SENP6: variants seen among roughly 807,000 people sequenced by gnomAD.
SENP6 encodes the protein sentrin-specific protease 6.
SENP6 carries 41 observed loss-of-function variants against 134.5 expected under a neutral mutation model. That is an observed-to-expected ratio of 0.30 (90% confidence interval 0.24 to 0.40). The LOEUF is 0.40. Ranked by LOEUF, SENP6 falls within the 10% of genes least tolerant of loss-of-function variation. SENP6 has a pLI of 1.00. For synonymous variants in SENP6, 395 were observed against 429.8 expected (o/e 0.92, Z 1.00); for missense variants, 1,248 against 1,312.5 (o/e 0.95, Z 0.76).
At chr6:75,684,468 CTTGT>C (rs1476022608) in intron 16 of SENP6, among the ~76,000 whole-genome samples, 1 of 152,166 alleles carries the variant, frequency 6.6e-6, no homozygotes, top group African/African-American at 2.4e-5. Flanking sequence ...GCATCCTTGT[CTTGT>C]GCTGGTTTTC....
At chr6:75,713,946 T>A (rs990235311) in intron 23 of SENP6, 121 bp downstream of exon 23, 6 of 791,872 alleles carry the variant, frequency 7.6e-6, no homozygotes, top group Admixed American at 3.3e-5. Flanking sequence ...GTTTCAAAAA[T>A]TATTCCATGG....
intron 1 of SENP6, among the ~76,000 whole-genome samples, chr6:75,608,056 TTAAG>T (rs1374820692): frequency 6.6e-6 from 1 of 152,224 alleles, no homozygotes; most frequent in Non-Finnish European, 1.5e-5. Flanking sequence ...TACTCCTTAC[TTAAG>T]TATGTTTATT....
At chr6:75,683,250 G>C (rs1773589330) in intron 16 of SENP6, among the ~76,000 whole-genome samples, 1 of 151,872 alleles carries the variant, frequency 6.6e-6, no homozygotes, top group African/African-American at 2.4e-5. Context: ...TTTTTTGATG[G>C]GGTTTTTTTT....
At chr6:75,638,605 TATATATATATATATATA>T (rs1349684008) in intron 5 of SENP6, among the ~76,000 whole-genome samples, 1 of 55,742 alleles carries the variant, frequency 1.8e-5, no homozygotes, top group East Asian at 3.9e-4. Context: ...TATATATATA[TATATATATATATATATA>T]TTTTTTTTTT....
At chr6:75,618,375 C>T (rs1012183767) in intron 1 of SENP6, among the ~76,000 whole-genome samples, 23 of 151,926 alleles carry the variant, frequency 1.5e-4, no homozygotes, top group African/African-American at 4.6e-4. Context: ...CAACTTTGGC[C>T]GTTGGGAATT....
At chr6:75,701,088 C>A (rs1417726256) in intron 18 of SENP6, among the ~76,000 whole-genome samples, 1 of 152,180 alleles carries the variant, frequency 6.6e-6, no homozygotes, top group Non-Finnish European at 1.5e-5. Context: ...TTAGTACTAA[C>A]TTGGGTACTC....
In SENP6 at chr6:75,716,849, G is replaced by T. The variant is rs552871787; in HGVS notation, c.*1255G>T. ...GAATAAAAAGAAAGCCTAATCATCAGCAATTATTTTATTTTTAATTTGGCC... is the reference window on the plus strand; with the variant it reads ...GAATAAAAAGAAAGCCTAATCATCATCAATTATTTTATTTTTAATTTGGCC... On this transcript the variant is annotated 3_prime_UTR_variant, in exon 24 of 24. Coordinates refer to ENST00000447266, the MANE Select transcript of SENP6 (RefSeq NM_015571.4). 8.6e-5 allele frequency: 13 copies of T among 151,944 alleles called. No homozygotes were observed. Among genetic ancestry groups the T allele is most frequent in the African/African-American group, 2.4e-4 (10 of 41,508 alleles). 9.4% of individuals were successfully genotyped at this position (151,944 alleles called of 1,614,324 possible). A position where few individuals can be genotyped will look rare whatever the true frequency, so the allele number is the denominator to read the frequency against.
chr6:75,617,597 T>G (rs1767961398), intron 1 of SENP6, among the ~76,000 whole-genome samples: 1 of 152,134 alleles, frequency 6.6e-6, no homozygotes, highest in Admixed American at 6.5e-5. Context: ...AACTTCTATA[T>G]AACTTTTACT....
intron 16 of SENP6, among the ~76,000 whole-genome samples, chr6:75,684,567 T>A (rs889448483): frequency 2.0e-5 from 3 of 152,024 alleles, no homozygotes; most frequent in Non-Finnish European, 4.4e-5. Context: ...TTTGAGATAT[T>A]TTCCATCAAT....
chr6:75,607,947 T>C (rs1767150112), intron 1 of SENP6, among the ~76,000 whole-genome samples: 1 of 152,226 alleles, frequency 6.6e-6, no homozygotes, highest in South Asian at 2.1e-4. Context: ...CCATGGAATA[T>C]GAACAGGGTT....
chr6:75,624,657 A>G (rs540797803), intron 3 of SENP6, among the ~76,000 whole-genome samples: 1 of 152,300 alleles, frequency 6.6e-6, no homozygotes, highest in South Asian at 2.1e-4. Context: ...GTATAGTCTC[A>G]TTCTTTTTTA....
At chr6:75,703,335 A>G (rs1265402304) in intron 19 of SENP6, among the ~76,000 whole-genome samples, 1 of 152,194 alleles carries the variant, frequency 6.6e-6, no homozygotes, top group Non-Finnish European at 1.5e-5. Context: ...TTTACTTATA[A>G]CAATATAGTA....
At chr6:75,658,163 A>T (rs1771486206) in intron 7 of SENP6, among the ~76,000 whole-genome samples, 1 of 152,086 alleles carries the variant, frequency 6.6e-6, no homozygotes, top group African/African-American at 2.4e-5. Context: ...AGATGAAGGG[A>T]CAAGGAGTAG....
At chr6:75,701,826 G>A (rs1562067523) in intron 18 of SENP6, among the ~76,000 whole-genome samples, 1 of 151,896 alleles carries the variant, frequency 6.6e-6, no homozygotes, top group African/African-American at 2.4e-5. Flanking sequence ...TTTTAGTAGA[G>A]ACGGGGTTTC....
intron 1 of SENP6, among the ~76,000 whole-genome samples, chr6:75,619,341 G>C (rs1398315881): frequency 2.0e-5 from 3 of 151,826 alleles, no homozygotes; most frequent in Non-Finnish European, 4.4e-5. Context: ...TTGTCCTTTT[G>C]CATCTGGCTT....
intron 3 of SENP6, among the ~76,000 whole-genome samples, chr6:75,626,125 T>TTTGTTGTTG (rs146047951): frequency 6.6e-6 from 1 of 150,936 alleles, no homozygotes; most frequent in African/African-American, 2.4e-5. Flanking sequence ...GAGAGTTAGG[T>TTTGTTGTTG]TTGTTGTTGT....
intron 1 of SENP6, among the ~76,000 whole-genome samples, chr6:75,605,272 T>A (rs1005825698): frequency 6.6e-6 from 1 of 152,230 alleles, no homozygotes; most frequent in African/African-American, 2.4e-5. Flanking sequence ...TACAGCATCC[T>A]ACTCTAACAG....
chr6:75,640,758 T>C (rs1269482033), intron 6 of SENP6, 54 bp downstream of exon 6: 5 of 1,111,876 alleles, frequency 4.5e-6, no homozygotes, highest in East Asian at 5.4e-5. Flanking sequence ...AAATATAAAA[T>C]TATTTATATG....
intron 1 of SENP6, among the ~76,000 whole-genome samples, chr6:75,614,410 T>TG (rs1262642645): frequency 6.6e-6 from 1 of 151,714 alleles, no homozygotes; most frequent in African/African-American, 2.4e-5. Flanking sequence ...GGATTACAGG[T>TG]GTGCACCACC....
Sources: gnomAD v4.1 joint callset for allele counts (sites outside exome capture counted in the v4.1 genomes callset) on GRCh38, gnomAD v4.1.1 for gene constraint, MANE v1.5 for transcripts, NCBI Gene and HGNC (gene_info 2026-07-23, HGNC 2026-07-21) for gene names.